Variants in JADE2 observed in about 807,000 individuals in gnomAD.
The protein encoded by JADE2 is E3 ubiquitin-protein ligase Jade-2.
In JADE2, 13 loss-of-function variants were observed where a neutral mutation model predicts 85.7. The ratio of observed to expected loss-of-function variants is 0.15; its 90% CI spans 0.10 to 0.24. The LOEUF (loss-of-function observed/expected upper bound fraction) is 0.24, where lower values mean the gene tolerates loss of function less well. Ranked by LOEUF, JADE2 falls within the 10% of genes least tolerant of loss-of-function variation. The pLI is 1.00. For missense variants in JADE2, 846 were observed against 1,115.9 expected, an observed-to-expected ratio of 0.76 and a Z score of 3.45; for synonymous variants, 440 against 456.1, an observed-to-expected ratio of 0.96 and a Z score of 0.45.
chr5:134,547,251 A>ACT (rs1252249213), intron 3 of JADE2, among the ~76,000 whole-genome samples: 1 of 152,216 alleles, frequency 6.6e-6, no homozygotes, highest in Non-Finnish European at 1.5e-5. Context: ...AGCCCCCTCC[A>ACT]GGGCTGCATT....
At position 134,578,765 on chromosome 5, in the gene JADE2, A is replaced by G. The variant is rs754201764; in HGVS notation, c.1953A>G (p.Pro651=). 1.2e-6 allele frequency: 2 copies of G among 1,613,494 alleles called. No homozygotes were observed. Among genetic ancestry groups the G allele is most frequent in the Middle Eastern group, 1.6e-4 (1 of 6,062 alleles). Reference sequence around the variant, plus strand: ...GCCTGCCTGCCAAGAAGAAACCACCACCACCACCACCGCAGGACGGGCCTG... The same window carrying G: ...GCCTGCCTGCCAAGAAGAAACCACCGCCACCACCACCGCAGGACGGGCCTG... ...RTRLPAKKKP[P]PPPPQDGPGS... Residue 651 remains proline (P), a synonymous_variant, in exon 12 of 12, where the codon CCA becomes CCG. Coordinates refer to ENST00000681547, the MANE Select transcript of JADE2 (RefSeq NM_001388185.1). The surrounding 1 kb of genome is among the most constrained non-coding windows in gnomAD (Gnocchi z 4.4).
intron 3 of JADE2, among the ~76,000 whole-genome samples, chr5:134,547,833 G>A (rs1561738312): frequency 6.6e-6 from 1 of 152,224 alleles, no homozygotes; most frequent in Non-Finnish European, 1.5e-5. Flanking sequence ...CTCCAGCCCT[G>A]CGGCTCAGCC....
Position 134,580,435 on chromosome 5 carries a change from C to T in JADE2, c.*1118C>T, listed in dbSNP as rs1764652189. On this transcript the variant is annotated 3_prime_UTR_variant, in exon 12 of 12. Transcript: ENST00000681547. Reference sequence around the variant, plus strand: ...CCCCTCGCACAGCCATCCCCCCCCCCGTCCTGCCATCCCCCCCCGCCGTCC... The same window carrying T: ...CCCCTCGCACAGCCATCCCCCCCCCTGTCCTGCCATCCCCCCCCGCCGTCC... 1 of 125,162 alleles carries T rather than the reference C, an allele frequency of 8.0e-6. No individual in the cohort carries two copies. The highest frequency in any genetic ancestry group is 2.9e-5 in the African/African-American group (1 of 34,538). The allele number at this position is 125,162 out of a possible 1,614,324, so 7.8% of individuals were successfully genotyped here. A position where few individuals can be genotyped will look rare whatever the true frequency, so the allele number is the denominator to read the frequency against.
intron 1 of JADE2, among the ~76,000 whole-genome samples, chr5:134,529,035 A>G (rs1269551651): frequency 1.3e-5 from 2 of 152,190 alleles, no homozygotes. Flanking sequence ...TAGGCCCTGG[A>G]CACTGACCCC....
At chr5:134,526,173 G>GT (rs1561717132) in intron 1 of JADE2, 162 bp downstream of exon 1, 1 of 984,230 alleles carries the variant, frequency 1.0e-6, no homozygotes, top group Non-Finnish European at 1.2e-6. Context: ...AGCGCGGAGA[G>GT]GGGGGGGATG....
At chr5:134,572,104 A>C (rs1219240923) in intron 9 of JADE2, among the ~76,000 whole-genome samples, 1 of 152,262 alleles carries the variant, frequency 6.6e-6, no homozygotes, top group Non-Finnish European at 1.5e-5. Context: ...GTGTGGGGGA[A>C]GGAGGCTGGT....
chr5:134,573,455 G>A (rs910836335), intron 9 of JADE2, among the ~76,000 whole-genome samples, 190 bp from the exon 10 acceptor site: 1 of 152,204 alleles, frequency 6.6e-6, no homozygotes, highest in African/African-American at 2.4e-5. Flanking sequence ...TTTTGGATCC[G>A]AGACATGCAG....
At chr5:134,530,746 A>G (rs1761179601) in intron 1 of JADE2, among the ~76,000 whole-genome samples, 1 of 152,210 alleles carries the variant, frequency 6.6e-6, no homozygotes, top group Non-Finnish European at 1.5e-5. Context: ...ATCATTAGCC[A>G]GGAGCCCAAC....
intron 2 of JADE2, among the ~76,000 whole-genome samples, chr5:134,537,138 T>C (rs1761643783): frequency 6.6e-6 from 1 of 152,182 alleles, no homozygotes; most frequent in Non-Finnish European, 1.5e-5. Context: ...ATTTCTAACT[T>C]TATTGCAGGC....
At chr5:134,555,310 GGT>G (rs1227425090) in intron 4 of JADE2, among the ~76,000 whole-genome samples, 3 of 152,316 alleles carry the variant, frequency 2.0e-5, no homozygotes, top group Admixed American at 6.5e-5. Context: ...ACCCACCTCT[GGT>G]GTGTGTCTGG....
intron 1 of JADE2, chr5:134,533,736 C>CTTTTTTT (rs70976536): frequency 2.7e-5 from 3 of 112,794 alleles, no homozygotes; most frequent in Non-Finnish European, 5.1e-5. Context: ...CACACTCTCT[C>CTTTTTTT]TTTTTTTTTT....
intron 1 of JADE2, among the ~76,000 whole-genome samples, chr5:134,529,396 C>T (rs1761082582): frequency 6.6e-6 from 1 of 152,218 alleles, no homozygotes; most frequent in South Asian, 2.1e-4. Flanking sequence ...CTGTACACTT[C>T]AGCCCACTGG....
intron 3 of JADE2, among the ~76,000 whole-genome samples, chr5:134,539,825 G>A (rs904560222): frequency 1.3e-5 from 2 of 152,314 alleles, no homozygotes; most frequent in East Asian, 1.9e-4. Context: ...TTGGAGGGGG[G>A]CTTCTGCAGA....
chr5:134,540,830 G>C (rs1000449695), intron 3 of JADE2, among the ~76,000 whole-genome samples: 3 of 152,188 alleles, frequency 2.0e-5, no homozygotes, highest in Non-Finnish European at 4.4e-5. Flanking sequence ...TCCAGTGGGA[G>C]GATGGGCCAC....
At chr5:134,573,792 C>A in intron 10 of JADE2, 30 bp downstream of exon 10, 1 of 1,269,394 alleles carries the variant, frequency 7.9e-7, no homozygotes, top group Non-Finnish European at 1.2e-6. Context: ...GCCGCCGCCA[C>A]CTCCCTGTGC....
intron 1 of JADE2, among the ~76,000 whole-genome samples, chr5:134,534,589 C>G (rs1032728050): frequency 1.2e-3 from 190 of 152,264 alleles, no homozygotes; most frequent in African/African-American, 4.3e-3. Context: ...CAGATGCTCA[C>G]TAGTCTCTGC....
In JADE2 at chr5:134,580,235, C is replaced by T. The variant is rs938546676; in HGVS notation, c.*918C>T. The T allele has an allele frequency of 6.6e-6, 1 of 152,664 alleles. No homozygotes were observed. The highest frequency in any genetic ancestry group is 2.4e-5 in the African/African-American group (1 of 41,452). The allele number at this position is 152,664 out of a possible 1,614,324, so 9.5% of individuals were successfully genotyped here. On this transcript the variant is annotated 3_prime_UTR_variant, in exon 12 of 12. Coordinates refer to ENST00000681547, the MANE Select transcript of JADE2 (RefSeq NM_001388185.1). ...CTCAGACAGAGCTGACCAGACCAGA[C>T]CGTTTGCCTTTTCAAGTTTCCTAGT... is the stretch of plus-strand genomic sequence containing the variant.
At chr5:134,526,380 A>G in intron 1 of JADE2, 1 of 984,788 alleles carries the variant, frequency 1.0e-6, no homozygotes, top group Non-Finnish European at 1.2e-6. Context: ...CAGGGCTGCA[A>G]CTTCCCCGCG....
chr5:134,532,496 G>A (rs893218236), intron 1 of JADE2, among the ~76,000 whole-genome samples: 1 of 152,178 alleles, frequency 6.6e-6, no homozygotes, highest in Non-Finnish European at 1.5e-5. Flanking sequence ...CAATAGACTA[G>A]TGCAAATGGC....
Sources: allele counts gnomAD v4.1 joint callset (sites outside exome capture counted in the v4.1 genomes callset), GRCh38; gene constraint gnomAD v4.1.1; non-coding constraint Gnocchi (gnomAD v3.1); transcripts MANE v1.5; gene names NCBI Gene and HGNC (gene_info 2026-07-23, HGNC 2026-07-21).